The following NPAS4 variants were observed in gnomAD, a reference collection of about 807,000 sequenced individuals.
The protein encoded by NPAS4 is neuronal PAS domain protein 4, also known as neuronal PAS domain-containing protein 4.
A neutral mutation model predicts 64.0 loss-of-function variants in NPAS4; 10 were observed. The observed-to-expected ratio is 0.16, with a 90% CI of 0.10 to 0.26. NPAS4 has a LOEUF of 0.26. NPAS4 is among the 10% of genes least tolerant of loss of function. The pLI is 1.00. For missense variants in NPAS4, 886 were observed against 992.6 expected, an observed-to-expected ratio of 0.89 and a Z score of 1.44; for synonymous variants, 441 against 411.7, an observed-to-expected ratio of 1.07 and a Z score of -0.86.
the NPAS4 span, among the ~76,000 whole-genome samples, chr11:66,412,707 A>G: frequency 1.3e-5 from 2 of 152,162 alleles, no homozygotes; most frequent in Admixed American, 1.3e-4. Context: ...CCACTTCTGT[A>G]TTTAACAAAT....
intron 4 of NPAS4, 74 bp from the exon 5 acceptor site, chr11:66,423,049 C>A (rs922039478): frequency 4.6e-6 from 7 of 1,506,326 alleles, no homozygotes; most frequent in Non-Finnish European, 6.3e-6. Context: ...GGCAGAGGAT[C>A]TGGGAGGGAG....
the NPAS4 span, among the ~76,000 whole-genome samples, chr11:66,413,120 T>C: frequency 6.6e-6 from 1 of 152,208 alleles, no homozygotes; most frequent in Admixed American, 6.5e-5. Flanking sequence ...ATTAAATCGC[T>C]ATTTCACCAA....
chr11:66,422,590 CCACCTG>C, intron 3 of NPAS4, 37 bp downstream of exon 3: 3 of 1,600,566 alleles, frequency 1.9e-6, no homozygotes, highest in Non-Finnish European at 2.6e-6. Context: ...GTCCAATTTC[CCACCTG>C]CTGCCCTTCT....
At position 66,426,146 on chromosome 11, in the gene NPAS4, G is replaced by GGGC; in HGVS notation, c.*157_*158insGGC. The stretch of plus-strand genomic sequence containing the variant: ...CAGGATTTTGGGGGGGGGGAGGTGG[G>GGGC]AGGGCAAGGGAGGGGAGCTTCTTTT... On this transcript the variant is annotated 3_prime_UTR_variant, in exon 8 of 8. Transcript: ENST00000311034. 8.3e-6 allele frequency: 3 copies of GGGC among 359,462 alleles called. No homozygotes were observed. The highest frequency in any genetic ancestry group is 1.1e-5 in the Non-Finnish European group (2 of 178,710). The allele number at this position is 359,462 out of a possible 1,614,324, so 22.3% of individuals were successfully genotyped here.
In NPAS4 at chr11:66,424,868, G is replaced by A; in HGVS notation, c.1978G>A (p.Glu660Lys). ...AGCTGAGGCTGGCACTGGCGGACTA[G>A]AGCCACTTGGAGGACTGGAGCCCCT... ...FSAEAGTGGL[E>K]PLGGLEPLDS... The change falls in exon 7 of 8, where the codon GAG (glutamate) becomes AAG (lysine). Residue 660 changes from glutamate (E) to lysine (K), a missense_variant. By Grantham distance (56) the Glu-to-Lys change is moderately conservative (BLOSUM62 1). Coordinates refer to ENST00000311034, the MANE Select transcript of NPAS4 (RefSeq NM_178864.4). 6.2e-7 allele frequency: 1 copy of A among 1,612,940 alleles called. No homozygotes were observed. Among genetic ancestry groups the A allele is most frequent in the South Asian group, 1.1e-5 (1 of 90,978 alleles).
Position 66,425,883 on chromosome 11 carries a change from C to T in NPAS4, c.2381-78C>T, listed in dbSNP as rs370191955. 8.7e-5 allele frequency: 95 copies of T among 1,088,364 alleles called. No homozygotes were observed. The African/African-American group carries it at 1.4e-3, about 16-fold the overall frequency. 67.4% of individuals were successfully genotyped at this position (1,088,364 alleles called of 1,614,324 possible). On this transcript the variant is annotated intron_variant, in intron 7 of 7. Coordinates refer to ENST00000311034, the MANE Select transcript of NPAS4 (RefSeq NM_178864.4). ...AATATCTTTGAAGCCTATACTAATA[C>T]CAACACATTCTCAGCCCCAGGATCC...
Position 66,424,888 on chromosome 11 carries a change from G to A in NPAS4, c.1998G>A (p.Glu666=). Residue 666 remains glutamate, a synonymous_variant, in exon 7 of 8, where the codon GAG becomes GAA. Coordinates refer to ENST00000311034, the MANE Select transcript of NPAS4 (RefSeq NM_178864.4). ...TGGLEPLGGL[E]PLDSNLSLSG... is the part of the protein sequence containing the mutation. The stretch of plus-strand genomic sequence containing the variant: ...GACTAGAGCCACTTGGAGGACTGGA[G>A]CCCCTGGACTCCAACCTGTCCCTGT... The A allele has an allele frequency of 1.2e-6, 2 of 1,613,360 alleles. No individual in the cohort carries two copies. Among genetic ancestry groups the A allele is most frequent in the Non-Finnish European group, 1.7e-6 (2 of 1,179,774 alleles).
the NPAS4 span, among the ~76,000 whole-genome samples, chr11:66,413,436 G>A: frequency 6.6e-6 from 1 of 152,232 alleles, no homozygotes; most frequent in African/African-American, 2.4e-5. Context: ...CCTGGGGGAT[G>A]GCCTGGGCCC....
chr11:66,416,123 C>T (rs1321197846), upstream of NPAS4, among the ~76,000 whole-genome samples: 2 of 152,134 alleles, frequency 1.3e-5, no homozygotes, highest in Non-Finnish European at 2.9e-5. Flanking sequence ...TGATATCAGC[C>T]AGATTTGTCG....
At chr11:66,420,021 C>G (rs999707439), upstream of NPAS4, among the ~76,000 whole-genome samples, 5 of 152,178 alleles carry the variant, frequency 3.3e-5, no homozygotes, top group African/African-American at 9.7e-5. Flanking sequence ...CCGCGGCAGC[C>G]GCCGGAGGAT....
At chr11:66,414,231 G>A in the NPAS4 span, among the ~76,000 whole-genome samples, 12 of 152,174 alleles carry the variant, frequency 7.9e-5, no homozygotes, top group African/African-American at 2.9e-4. Context: ...CTCTGAAAAT[G>A]AATGTGAGGA....
At chr11:66,421,002 G>T, upstream of NPAS4, 1 of 592,474 alleles carries the variant, frequency 1.7e-6, no homozygotes, top group Non-Finnish European at 3.0e-6. Flanking sequence ...CGCCTGGCAG[G>T]AGCTATATAA....
the NPAS4 span, among the ~76,000 whole-genome samples, chr11:66,415,419 G>T: frequency 1.3e-5 from 2 of 152,154 alleles, no homozygotes; most frequent in Non-Finnish European, 2.9e-5. Flanking sequence ...AGATATTCCT[G>T]GTGTGAACTC....
chr11:66,414,479 G>T, the NPAS4 span, among the ~76,000 whole-genome samples: 1 of 151,918 alleles, frequency 6.6e-6, no homozygotes, highest in Non-Finnish European at 1.5e-5. Context: ...CCCCTCCATG[G>T]TTCTATGTCC....
At position 66,424,614 on chromosome 11, in the gene NPAS4, C is replaced by T; in HGVS notation, c.1724C>T (p.Pro575Leu). 1 of 1,614,198 alleles carries T rather than the reference C, an allele frequency of 6.2e-7. No homozygotes were observed. Among genetic ancestry groups the T allele is most frequent in the East Asian group, 2.2e-5 (1 of 44,878 alleles). The part of the protein sequence containing the change: ...EGCSFLYEKL[P>L]PSPSSPGNGD... ...TGCAGTTTTCTCTATGAGAAGTTGC[C>T]CCCAAGTCCTAGCAGCCCTGGTAAT... Residue 575 changes from proline to leucine, a missense_variant, in exon 7 of 8, where the codon CCC (proline) becomes CTC (leucine). This residue lies in a region of NPAS4 where 820 missense variants were observed against 855.5 expected (regional missense o/e 0.96). Transcript: ENST00000311034.
At chr11:66,412,596 T>A in the NPAS4 span, among the ~76,000 whole-genome samples, 2 of 152,246 alleles carry the variant, frequency 1.3e-5, no homozygotes, top group African/African-American at 4.8e-5. Context: ...TGTGAGCATT[T>A]CTTGTGCTCC....
chr11:66,412,354 G>A, the NPAS4 span, among the ~76,000 whole-genome samples: 1 of 152,206 alleles, frequency 6.6e-6, no homozygotes, highest in African/African-American at 2.4e-5. Flanking sequence ...GCCCTGAGGG[G>A]CACTTTATGT....
At chr11:66,413,561 G>T in the NPAS4 span, among the ~76,000 whole-genome samples, 1 of 152,236 alleles carries the variant, frequency 6.6e-6, no homozygotes, top group Non-Finnish European at 1.5e-5. Context: ...GACAGAGGCT[G>T]CCCTCTCTCC....
Position 66,422,253 on chromosome 11 carries a change from G to A in NPAS4, c.309G>A (p.Glu103=). 1.2e-6 allele frequency: 2 copies of A among 1,614,056 alleles called. No homozygotes were observed. Among genetic ancestry groups the A allele is most frequent in the Non-Finnish European group, 1.7e-6 (2 of 1,180,010 alleles). The change falls in exon 2 of 8, where the codon GAG becomes GAA. Residue 103 remains glutamate, a synonymous_variant. Transcript: ENST00000311034. The part of the protein sequence containing the change: ...KLLYLSESVS[E]HLGHSMVDLV... The stretch of plus-strand genomic sequence containing the variant: ...TCTACCTGTCTGAGAGTGTGAGCGA[G>A]CATCTGGGCCACTCCATGGTGAGTG...
Sources: allele counts gnomAD v4.1 joint callset (sites outside exome capture counted in the v4.1 genomes callset), GRCh38; gene constraint gnomAD v4.1.1; regional missense constraint gnomAD v4.1.1; transcripts MANE v1.5; gene names NCBI Gene and HGNC (gene_info 2026-07-23, HGNC 2026-07-21).